The following SUPT20H variants were observed in gnomAD, a reference collection of about 807,000 sequenced individuals.
The protein encoded by SUPT20H is transcription factor SPT20 homolog.
In SUPT20H, 82 loss-of-function variants were observed where a neutral mutation model predicts 122.8. That is an observed-to-expected ratio of 0.67 (90% CI 0.56 to 0.80). The LOEUF (loss-of-function observed/expected upper bound fraction) is 0.80. Among genes scored for constraint, SUPT20H ranks in the 30% least tolerant of loss-of-function variants. SUPT20H has a pLI of 0.00. For synonymous variants in SUPT20H, 291 were observed against 313.0 expected (o/e 0.93, Z 0.74); for missense variants, 831 against 921.6 (o/e 0.90, Z 1.27).
At chr13:37,038,580 A>G (rs944092644) in intron 9 of SUPT20H, 3 of 152,228 alleles carry the variant, frequency 2.0e-5, no homozygotes, top group African/African-American at 7.2e-5. Context: ...TTATAATCAC[A>G]TGTCACAGAA....
At position 37,021,955 on chromosome 13, in the gene SUPT20H, T is replaced by C. The variant is rs1384773776; in HGVS notation, c.1661+56A>G. On this transcript the variant is annotated intron_variant, in intron 20 of 25. Transcript: ENST00000350612. ...TAATTTCACACATTAAGAATTTATT[T>C]AGATTGGTGAAACTATCTTTATAAA... The C allele has an allele frequency of 6.0e-6, 9 of 1,499,536 alleles. No individual in the cohort carries two copies. In the East Asian group the frequency reaches 2.0e-4, roughly 34 times the overall value. 92.9% of individuals were successfully genotyped at this position (1,499,536 alleles called of 1,614,324 possible). A position where few individuals can be genotyped will look rare whatever the true frequency, so the allele number is the denominator to read the frequency against.
rs764545971 is a variant in SUPT20H at position 37,028,302 on chromosome 13, C to T, written c.997G>A (p.Val333Ile). 4 of 1,604,200 alleles carry T rather than the reference C, an allele frequency of 2.5e-6. No homozygotes were observed. In the African/African-American group the frequency reaches 4.0e-5, roughly 16 times the overall value. The change falls in exon 14 of 26, where the codon GTA (valine) becomes ATA (isoleucine). Residue 333 changes from valine (V) to isoleucine (I), a missense_variant. Transcript: ENST00000350612. The stretch of plus-strand genomic sequence containing the variant: ...CATTCAAATACATAATCATCTTTTA[C>T]ATCCTGAAAAATGCATAGCACCTCA... ...SQPTVWPAHD[V>I]KDDYVFECEA...
intron 18 of SUPT20H, 42 bp from the exon 19 acceptor site, chr13:37,024,235 A>T (rs200174984): frequency 2.3e-5 from 36 of 1,564,104 alleles, no homozygotes; most frequent in Middle Eastern, 1.7e-4. Flanking sequence ...TATAATTCAA[A>T]CTTCTGTGAA....
chr13:37,040,427 C>T lies in SUPT20H; in HGVS notation c.545G>A (p.Ser182Asn). 1 of 1,577,926 alleles carries T rather than the reference C, an allele frequency of 6.3e-7. No individual in the cohort carries two copies. Among genetic ancestry groups the T allele is most frequent in the Middle Eastern group, 1.9e-4 (1 of 5,362 alleles). The change falls in exon 9 of 26, where the codon AGT becomes AAT. Residue 182 changes from serine to asparagine, a missense_variant. Coordinates refer to ENST00000350612, the MANE Select transcript of SUPT20H (RefSeq NM_001014286.3). ...AACCTGGGTCCATTTGTGGTTATCACTTGTTATTGAATGTACATCACAAAT... is the reference window on the plus strand; with the variant it reads ...AACCTGGGTCCATTTGTGGTTATCATTTGTTATTGAATGTACATCACAAAT... The part of the protein sequence containing the change: ...TLICDVHSIT[S>N]DNHKWTQEDK...
intron 14 of SUPT20H, among the ~76,000 whole-genome samples, 168 bp downstream of exon 14, chr13:37,027,980 C>T (rs777668751): frequency 1.3e-5 from 2 of 152,106 alleles, no homozygotes; most frequent in African/African-American, 2.4e-5. Flanking sequence ...ATGGTAACTA[C>T]GACTTAAGTT....
Position 37,047,721 on chromosome 13 carries a change from G to A in SUPT20H, c.99-120C>T, listed in dbSNP as rs1263877066. On this transcript the variant is annotated intron_variant, in intron 4 of 25. Coordinates refer to ENST00000350612, the MANE Select transcript of SUPT20H (RefSeq NM_001014286.3). ...TTGCCTCAATTTCCCAAAAACTGGG[G>A]TGGAGCTGAATATAGTAGCTAACAT... is the stretch of plus-strand genomic sequence containing the variant. 5.8e-6 allele frequency: 7 copies of A among 1,205,250 alleles called. No individual in the cohort carries two copies. The African/African-American group carries it at 9.6e-5, about 16-fold the overall frequency. 74.7% of individuals were successfully genotyped at this position (1,205,250 alleles called of 1,614,324 possible).
intron 1 of SUPT20H, among the ~76,000 whole-genome samples, chr13:37,058,328 A>G (rs530949549): frequency 6.6e-6 from 1 of 152,298 alleles, no homozygotes; most frequent in South Asian, 2.1e-4. Flanking sequence ...ACAACTGTAA[A>G]TGATTTACGA....
intron 1 of SUPT20H, among the ~76,000 whole-genome samples, chr13:37,054,925 G>A (rs1415767682): frequency 2.0e-5 from 3 of 152,146 alleles, no homozygotes; most frequent in African/African-American, 4.8e-5. Flanking sequence ...AAAGTCTCAG[G>A]ATACAAAATC....
intron 3 of SUPT20H, 118 bp downstream of exon 3, chr13:37,048,446 T>C: frequency 2.4e-6 from 2 of 824,332 alleles, no homozygotes; most frequent in South Asian, 2.4e-5. Context: ...ATGATATGCA[T>C]ACTTGTCCTA....
intron 23 of SUPT20H, among the ~76,000 whole-genome samples, chr13:37,015,913 G>A (rs1335021498): frequency 6.6e-6 from 1 of 152,122 alleles, no homozygotes; most frequent in South Asian, 2.1e-4. Context: ...AGTGACATAA[G>A]TCAAACACAA....
rs573237371 is a variant in SUPT20H, at chr13:37,054,352, C to T, written c.-93-2769G>A. On this transcript the variant is annotated intron_variant, in intron 1 of 25. Transcript: ENST00000350612. ...TTAGACCAATATCCCTGATGAACAT[C>T]GATGCAAAAATCCTCAATAAAATAA... Among the ~76,000 whole-genome samples the T allele has an allele frequency of 1.1e-4, 16 of 152,260 alleles. No individual in the cohort carries two copies. The South Asian group carries it at 2.1e-3, about 20-fold the overall frequency.
chr13:37,017,449 C>A (rs1566129468), intron 22 of SUPT20H, 85 bp from the exon 23 acceptor site: 1 of 1,344,504 alleles, frequency 7.4e-7, no homozygotes, highest in Non-Finnish European at 1.0e-6. Context: ...ATTTTTGGAT[C>A]ATTTGCTATG....
At chr13:37,023,976 A>G (rs4943441) in intron 19 of SUPT20H, 59 bp downstream of exon 19, 1,359,190 of 1,527,856 alleles carry the variant, frequency 0.89, 608,280 homozygotes, top group East Asian at 1. Context: ...AAGCTGTCTT[A>G]AGAAACACTA....
At chr13:37,031,211 A>C in intron 12 of SUPT20H, among the ~76,000 whole-genome samples, 1 of 152,082 alleles carries the variant, frequency 6.6e-6, no homozygotes, top group Admixed American at 6.5e-5. Context: ...AACAAGCACT[A>C]TTAGGAAATT....
intron 21 of SUPT20H, among the ~76,000 whole-genome samples, chr13:37,020,378 C>T (rs2061310612): frequency 6.6e-6 from 1 of 152,090 alleles, no homozygotes. Context: ...TTCTAGCTTA[C>T]CAAAGGCACT....
chr13:37,059,015 G>A (rs569129037), intron 1 of SUPT20H, among the ~76,000 whole-genome samples: 1 of 152,328 alleles, frequency 6.6e-6, no homozygotes, highest in East Asian at 1.9e-4. Context: ...GGCTACGGGA[G>A]ATGGCTTCCA....
At chr13:37,018,376 TTATAAG>T (rs1257326525) in intron 22 of SUPT20H, among the ~76,000 whole-genome samples, 3 of 152,228 alleles carry the variant, frequency 2.0e-5, no homozygotes, top group Admixed American at 6.5e-5. Context: ...CTTGCCCATA[TTATAAG>T]TATATTGTTC....
In SUPT20H at chr13:37,029,747, C is replaced by T. The variant is rs1358179493; in HGVS notation, c.993+18G>A. The T allele has an allele frequency of 6.3e-7, 1 of 1,588,768 alleles. No individual in the cohort carries two copies. The highest frequency in any genetic ancestry group is 2.3e-5 in the East Asian group (1 of 43,282). ...GAAATGGCATAATTAGAAACAGAGA[C>T]AGGCAATGATTTCTTACATGGGCTG... On this transcript the variant is annotated intron_variant, in intron 13 of 25. Transcript: ENST00000350612.
chr13:37,025,941 A>C (rs2062178846), intron 16 of SUPT20H: 1 of 334,472 alleles, frequency 3.0e-6, no homozygotes, highest in Admixed American at 4.7e-5. Flanking sequence ...CATGAAAAGA[A>C]CCATTCTTAG....
Sources: allele counts gnomAD v4.1 joint callset (sites outside exome capture counted in the v4.1 genomes callset), GRCh38; gene constraint gnomAD v4.1.1; transcripts MANE v1.5; gene names NCBI Gene and HGNC (gene_info 2026-07-23, HGNC 2026-07-21).